The following CCDC191 variants were observed in gnomAD, a reference collection of about 807,000 sequenced individuals.
The protein encoded by CCDC191 is coiled-coil domain containing 191, also known as coiled-coil domain-containing protein 191.
A neutral mutation model predicts 114.0 loss-of-function variants in CCDC191; 99 were observed. The ratio of observed to expected loss-of-function variants is 0.87; its 90% confidence interval spans 0.74 to 1.03. The LOEUF (loss-of-function observed/expected upper bound fraction) is 1.03, where lower values mean the gene tolerates loss of function less well. Ranked by LOEUF, CCDC191 falls within the 50% of genes least tolerant of loss-of-function variation. CCDC191 has a pLI of 0.00. For synonymous variants in CCDC191, 351 were observed against 376.0 expected, an observed-to-expected ratio of 0.93 and a Z score of 0.77; for missense variants, 973 against 1,087.0, an observed-to-expected ratio of 0.90 and a Z score of 1.47.
At chr3:114,045,578 G>C (rs2076618606) in intron 3 of CCDC191, among the ~76,000 whole-genome samples, 2 of 151,968 alleles carry the variant, frequency 1.3e-5, no homozygotes, top group South Asian at 4.1e-4. Context: ...TTACTCCTCT[G>C]CTTAAAACCC....
At chr3:114,011,677 G>C (rs2076072936) in intron 8 of CCDC191, among the ~76,000 whole-genome samples, 1 of 152,154 alleles carries the variant, frequency 6.6e-6, no homozygotes, top group Non-Finnish European at 1.5e-5. Context: ...TGGTCTCATG[G>C]AACTCATTTA....
At chr3:114,003,733 A>G (rs1262467729) in intron 11 of CCDC191, 2 of 985,344 alleles carry the variant, frequency 2.0e-6, no homozygotes, top group Admixed American at 1.2e-4. Flanking sequence ...AAGACTGCCA[A>G]TTTCTTCATT....
intron 13 of CCDC191, among the ~76,000 whole-genome samples, chr3:113,996,007 A>T (rs1221520131): frequency 6.6e-6 from 1 of 151,570 alleles, no homozygotes; most frequent in African/African-American, 2.4e-5. Context: ...TAAATTCTTT[A>T]TAGATTCTGG....
chr3:113,987,937 G>A (rs934925113), intron 13 of CCDC191, among the ~76,000 whole-genome samples: 9 of 151,454 alleles, frequency 5.9e-5, no homozygotes, highest in African/African-American at 2.2e-4. Flanking sequence ...AGCTGTTCGG[G>A]AGGCTGAGGC....
rs188023670 is a variant in CCDC191, at chr3:114,028,581, G to A, written c.972+3045C>T. Reference sequence around the variant, plus strand: ...ATTACAGGCTTGAGCCACCGTGCCCGGCCTCTAAAACTATTTTTATAGTGT... The same window carrying A: ...ATTACAGGCTTGAGCCACCGTGCCCAGCCTCTAAAACTATTTTTATAGTGT... On this transcript the variant is annotated intron_variant, in intron 7 of 16. Coordinates refer to ENST00000295878, the MANE Select transcript of CCDC191 (RefSeq NM_020817.2). Among the ~76,000 whole-genome samples, 702 of 151,818 alleles carry A rather than the reference G, an allele frequency of 4.6e-3. 3 individuals are homozygous for A. Among genetic ancestry groups the A allele is most frequent in the Non-Finnish European group, 7.4e-3 (500 of 67,932 alleles).
At chr3:114,002,066 C>T (rs1236196663) in intron 12 of CCDC191, among the ~76,000 whole-genome samples, 1 of 152,120 alleles carries the variant, frequency 6.6e-6, no homozygotes, top group Non-Finnish European at 1.5e-5. Flanking sequence ...ATTGTTGGAA[C>T]TGTTTATTTT....
chr3:114,001,332 G>A (rs773161990), intron 13 of CCDC191, among the ~76,000 whole-genome samples: 3 of 152,204 alleles, frequency 2.0e-5, no homozygotes, highest in Non-Finnish European at 2.9e-5. Flanking sequence ...GATACTTGAT[G>A]AGAGTCCACA....
chr3:114,035,772 C>T (rs540828811), intron 5 of CCDC191, among the ~76,000 whole-genome samples: 1 of 152,100 alleles, frequency 6.6e-6, no homozygotes, highest in Non-Finnish European at 1.5e-5. Context: ...CCTAACTTTA[C>T]CCTTATCTTA....
Position 114,004,362 on chromosome 3 carries a change from C to T in CCDC191, c.1978+275G>A, listed in dbSNP as rs142319481. 4.5e-4 allele frequency: 457 copies of T among 1,014,456 alleles called. 6 individuals carry two copies. The East Asian group carries it at 0.014, about 32-fold the overall frequency. 62.8% of individuals were successfully genotyped at this position (1,014,456 alleles called of 1,614,324 possible). On this transcript the variant is annotated intron_variant, in intron 11 of 16. Coordinates refer to ENST00000295878, the MANE Select transcript of CCDC191 (RefSeq NM_020817.2). ...TTCCTTTTTTTTTCACAATCCAAAT[C>T]TCAAATTACAGAAAAATGATATACC...
At chr3:113,985,993 C>T (rs1280907619) in intron 13 of CCDC191, among the ~76,000 whole-genome samples, 2 of 152,136 alleles carry the variant, frequency 1.3e-5, no homozygotes, top group Admixed American at 6.5e-5. Flanking sequence ...CAGAACAAGG[C>T]TCAGATATGA....
At chr3:113,970,122 A>C (rs1049993139) in intron 16 of CCDC191, among the ~76,000 whole-genome samples, 3 of 151,842 alleles carry the variant, frequency 2.0e-5, no homozygotes, top group African/African-American at 7.3e-5. Flanking sequence ...TTAAGGTGGG[A>C]TTGTTTTCTT....
chr3:113,985,022 G>A (rs1310010562), intron 13 of CCDC191, among the ~76,000 whole-genome samples: 2 of 152,170 alleles, frequency 1.3e-5, no homozygotes, highest in African/African-American at 4.8e-5. Context: ...TACCATATGA[G>A]TAAGACAATT....
intron 4 of CCDC191, among the ~76,000 whole-genome samples, chr3:114,038,223 CTTGA>C (rs1265449764): frequency 1.3e-5 from 2 of 152,094 alleles, no homozygotes; most frequent in East Asian, 1.9e-4. Flanking sequence ...GAACATCTTC[CTTGA>C]TTATGTTTTG....
rs953032174 is a variant in CCDC191 at position 114,036,506 on chromosome 3, C to A, written c.594+102G>T. ...CTCCCTAACCAAACCACAGATGGCACCCTTTTTCATAATAAAGCCTATGTC... is the reference window on the plus strand; with the variant it reads ...CTCCCTAACCAAACCACAGATGGCAACCTTTTTCATAATAAAGCCTATGTC... On this transcript the variant is annotated intron_variant, in intron 5 of 16. Transcript: ENST00000295878. 9.3e-6 allele frequency: 7 copies of A among 750,756 alleles called. 1 individual carries two copies. In the South Asian group the frequency reaches 2.2e-4, roughly 23 times the overall value. 46.5% of individuals were successfully genotyped at this position (750,756 alleles called of 1,614,324 possible). A position where few individuals can be genotyped will look rare whatever the true frequency, so the allele number is the denominator to read the frequency against.
intron 13 of CCDC191, among the ~76,000 whole-genome samples, chr3:113,995,546 GA>G (rs2075696509): frequency 6.6e-6 from 1 of 152,174 alleles, no homozygotes; most frequent in Non-Finnish European, 1.5e-5. Flanking sequence ...AGGAGCTGGG[GA>G]AAATAGGTGC....
chr3:114,012,452 T>C (rs1213572779), intron 8 of CCDC191, among the ~76,000 whole-genome samples: 2 of 152,180 alleles, frequency 1.3e-5, no homozygotes, highest in Non-Finnish European at 2.9e-5. Context: ...ATAATATAGG[T>C]GGTAATAAAC....
At position 113,978,967 on chromosome 3, in the gene CCDC191, A is replaced by G. The variant is rs1283469087; in HGVS notation, c.2351T>C (p.Met784Thr). The change falls in exon 15 of 17, where the codon ATG becomes ACG. Residue 784 changes from methionine to threonine, a missense_variant. Coordinates refer to ENST00000295878, the MANE Select transcript of CCDC191 (RefSeq NM_020817.2). Reference sequence around the variant, plus strand: ...CTGACTACGCTGGAACCACGTCAGCATGTATTTCCTCTGCAGGAACAAAGA... The same window carrying G: ...CTGACTACGCTGGAACCACGTCAGCGTGTATTTCCTCTGCAGGAACAAAGA... Reference protein sequence around the residue: ...HYSLFLQRKYMLTWFQRSQES... With the variant: ...HYSLFLQRKYTLTWFQRSQES... 6.2e-7 allele frequency: 1 copy of G among 1,613,940 alleles called. No individual in the cohort carries two copies. The highest frequency in any genetic ancestry group is 8.5e-7 in the Non-Finnish European group (1 of 1,179,950).
At chr3:114,005,289 C>T (rs555897051) in intron 10 of CCDC191, among the ~76,000 whole-genome samples, 24 of 152,170 alleles carry the variant, frequency 1.6e-4, no homozygotes, top group African/African-American at 5.1e-4. Context: ...CAAAGGCAGC[C>T]GTGACCCAAA....
At chr3:113,989,380 G>C (rs2075481006) in intron 13 of CCDC191, among the ~76,000 whole-genome samples, 1 of 152,082 alleles carries the variant, frequency 6.6e-6, no homozygotes, top group African/African-American at 2.4e-5. Context: ...AAGTGCACAT[G>C]GAACATTCAC....
Sources: gnomAD v4.1 joint callset for allele counts (sites outside exome capture counted in the v4.1 genomes callset) on GRCh38, gnomAD v4.1.1 for gene constraint, MANE v1.5 for transcripts, NCBI Gene and HGNC (gene_info 2026-07-23, HGNC 2026-07-21) for gene names.